The following RAB7B variants were observed in gnomAD, a reference collection of about 807,000 sequenced individuals.
The protein encoded by RAB7B is ras-related protein Rab-7b.
At position 206,000,947 on chromosome 1, in the gene RAB7B, G is replaced by A. The variant is rs1353151140; in HGVS notation, c.-17+2306C>T. Among the ~76,000 whole-genome samples the A allele has an allele frequency of 2.6e-5, 4 of 152,360 alleles. No homozygotes were observed. In the South Asian group the frequency reaches 6.2e-4, roughly 24 times the overall value. ...CAAAAAGTGCTCAAGATCCTGGTAA[G>A]TTACCTCGGCCTTAACTTTGGGCTC... On this transcript the variant is annotated intron_variant, in intron 1 of 5. Transcript: ENST00000617070.
At position 205,978,379 on chromosome 1, in the gene RAB7B, G is replaced by A. The variant is rs1176439975; in HGVS notation, c.*472C>T. 1 of 152,526 alleles carries A rather than the reference G, an allele frequency of 6.6e-6. No homozygotes were observed. The highest frequency in any genetic ancestry group is 1.5e-5 in the Non-Finnish European group (1 of 68,330). The allele number at this position is 152,526 out of a possible 1,614,324, so 9.4% of individuals were successfully genotyped here. ...GTGGGGTCCAGACCTTTACTCCTTAGTCTGCTCGTTGAAGGAGGCTGAGCT... is the reference window on the plus strand; with the variant it reads ...GTGGGGTCCAGACCTTTACTCCTTAATCTGCTCGTTGAAGGAGGCTGAGCT... On this transcript the variant is annotated 3_prime_UTR_variant, in exon 6 of 6. Coordinates refer to ENST00000617070, the MANE Select transcript of RAB7B (RefSeq NM_001164522.3).
chr1:205,984,392 G>T (rs1191490749), intron 5 of RAB7B, among the ~76,000 whole-genome samples: 3 of 152,178 alleles, frequency 2.0e-5, no homozygotes, highest in African/African-American at 7.2e-5. Context: ...GCTGCAGAGG[G>T]CATCCCATGA....
intron 4 of RAB7B, among the ~76,000 whole-genome samples, chr1:205,991,260 T>C (rs1459730321): frequency 2.6e-5 from 4 of 152,198 alleles, no homozygotes; most frequent in Non-Finnish European, 4.4e-5. Flanking sequence ...ACCACAAGGT[T>C]CTCACCCACA....
Position 205,985,626 on chromosome 1 carries a change from C to T in RAB7B, c.436G>A (p.Asp146Asn). The T allele has an allele frequency of 2.5e-6, 1 of 399,264 alleles. No homozygotes were observed. Among genetic ancestry groups the T allele is most frequent in the Non-Finnish European group, 4.4e-6 (1 of 226,426 alleles). 24.7% of individuals were successfully genotyped at this position (399,264 alleles called of 1,614,324 possible). ...GCACTGACTTCAAAGTAAGGAATAT[C>T]TTTCTCTCTACACCAGCCTTGAGCT... ...EVAQGWCREK[D>N]IPYFEVSAKN... The change falls in exon 5 of 6, where the codon GAT (aspartate) becomes AAT (asparagine). Residue 146 changes from aspartate to asparagine, a missense_variant. Asp to Asn is a conservative substitution (Grantham distance 23). Coordinates refer to ENST00000617070, the MANE Select transcript of RAB7B (RefSeq NM_001164522.3).
In RAB7B at chr1:205,994,069, T is replaced by G. The variant is rs2102641356; in HGVS notation, c.53+14A>C. The G allele has an allele frequency of 2.5e-6, 1 of 398,682 alleles. No individual in the cohort carries two copies. Among genetic ancestry groups the G allele is most frequent in the East Asian group, 3.6e-5 (1 of 28,082 alleles). The allele number at this position is 398,682 out of a possible 1,614,324, so 24.7% of individuals were successfully genotyped here. On this transcript the variant is annotated intron_variant, in intron 2 of 5. Transcript: ENST00000617070. ...GGGGCTGCTTCCCAACTCCCAGAGC[T>G]GAGCTTGGCTTACCCAATGGCTCCG...
At chr1:205,996,672 A>G (rs1660817161) in intron 1 of RAB7B, among the ~76,000 whole-genome samples, 1 of 152,188 alleles carries the variant, frequency 6.6e-6, no homozygotes, top group Non-Finnish European at 1.5e-5. Flanking sequence ...GACTGTATTC[A>G]TCTGTTCTCA....
chr1:206,002,352 C>A (rs1189449856), intron 1 of RAB7B, among the ~76,000 whole-genome samples: 2 of 152,204 alleles, frequency 1.3e-5, no homozygotes, highest in Non-Finnish European at 2.9e-5. Flanking sequence ...CTTGAGTAGA[C>A]TGTCCATGCC....
At chr1:205,979,948 C>A (rs1241921705) in intron 5 of RAB7B, among the ~76,000 whole-genome samples, 1 of 152,188 alleles carries the variant, frequency 6.6e-6, no homozygotes, top group African/African-American at 2.4e-5. Context: ...AGACACCCAG[C>A]TGGTGAATAT....
chr1:205,988,490 C>T (rs1423833610), intron 4 of RAB7B, among the ~76,000 whole-genome samples: 1 of 152,172 alleles, frequency 6.6e-6, no homozygotes, highest in Non-Finnish European at 1.5e-5. Flanking sequence ...CGACTTTGGT[C>T]TCCCAAGGTG....
At chr1:205,980,860 C>T (rs1442666953) in intron 5 of RAB7B, among the ~76,000 whole-genome samples, 7 of 133,538 alleles carry the variant, frequency 5.2e-5, no homozygotes, top group Admixed American at 4.5e-4. Context: ...CCTTTCCTCC[C>T]CTTCCCCTCC....
chr1:205,985,898 A>G (rs1448317642), intron 4 of RAB7B, among the ~76,000 whole-genome samples: 1 of 114,452 alleles, frequency 8.7e-6, no homozygotes, highest in African/African-American at 3.2e-5. Flanking sequence ...ATATAAATGT[A>G]GGAGGTGGGA....
intron 4 of RAB7B, among the ~76,000 whole-genome samples, chr1:205,988,268 G>C (rs1295424832): frequency 7.8e-6 from 1 of 127,942 alleles, no homozygotes; most frequent in South Asian, 2.7e-4. Flanking sequence ...TTGCTCTGTC[G>C]CCCAGGCTGG....
chr1:205,990,791 C>CTTTTTTTTT (rs1188419083), intron 4 of RAB7B, among the ~76,000 whole-genome samples: 3 of 138,642 alleles, frequency 2.2e-5, no homozygotes, highest in East Asian at 2.1e-4. Context: ...TTCTTTCTTT[C>CTTTTTTTTT]TTTTTTTTTT....
At chr1:205,979,601 G>A (rs1660449877) in intron 5 of RAB7B, among the ~76,000 whole-genome samples, 1 of 152,070 alleles carries the variant, frequency 6.6e-6, no homozygotes, top group African/African-American at 2.4e-5. Flanking sequence ...CCTTCTTTAA[G>A]CAGATGGGTT....
intron 3 of RAB7B, among the ~76,000 whole-genome samples, chr1:205,993,163 C>T (rs950792701): frequency 1.3e-5 from 2 of 152,142 alleles, no homozygotes; most frequent in Non-Finnish European, 2.9e-5. Flanking sequence ...CATTCTGTCT[C>T]TATATGCCAA....
intron 5 of RAB7B, among the ~76,000 whole-genome samples, chr1:205,980,432 G>A (rs1180698003): frequency 6.6e-6 from 1 of 152,212 alleles, no homozygotes; most frequent in Non-Finnish European, 1.5e-5. Flanking sequence ...AAACCTCCAG[G>A]CCATAATTAG....
intron 5 of RAB7B, among the ~76,000 whole-genome samples, chr1:205,980,890 C>T (rs1244766045): frequency 6.9e-6 from 1 of 143,886 alleles, no homozygotes; most frequent in Non-Finnish European, 1.5e-5. Context: ...TTCACCTCCT[C>T]CGCTTCCCCT....
intron 4 of RAB7B, 44 bp downstream of exon 4, chr1:205,992,433 GGGT>G (rs1211356021): frequency 2.5e-6 from 1 of 398,460 alleles, no homozygotes; most frequent in African/African-American, 2.1e-5. Flanking sequence ...GGCACATAGT[GGGT>G]GCTCATATAA....
intron 1 of RAB7B, among the ~76,000 whole-genome samples, chr1:205,996,265 C>G (rs984103039): frequency 6.6e-6 from 1 of 151,916 alleles, no homozygotes; most frequent in African/African-American, 2.4e-5. Flanking sequence ...TATGCATATG[C>G]ACTATCCCCA....
Sources: allele counts gnomAD v4.1 joint callset (sites outside exome capture counted in the v4.1 genomes callset), GRCh38; gene constraint gnomAD v4.1.1; transcripts MANE v1.5; gene names NCBI Gene and HGNC (gene_info 2026-07-23, HGNC 2026-07-21).